PLCXD1: variants seen among roughly 807,000 people sequenced by gnomAD.
PLCXD1 encodes the protein phosphatidylinositol specific phospholipase C X domain containing 1.
Under a neutral mutation model 37.8 loss-of-function variants are expected in PLCXD1, and 45 were observed. The observed-to-expected ratio is 1.19, with a 90% CI of 0.94 to 1.53. The LOEUF (loss-of-function observed/expected upper bound fraction) is 1.53. Ranked by LOEUF, PLCXD1 falls within the 40% of genes most tolerant of loss-of-function variation. The pLI, the probability that PLCXD1 is intolerant of heterozygous loss-of-function variation, is 0.00. For synonymous variants in PLCXD1, 246 were observed against 206.9 expected (o/e 1.19, Z -1.62); for missense variants, 539 against 454.7 (o/e 1.19, Z -1.69).
At chrX:282,755 G>A (rs2069309280) in intron 1 of PLCXD1, among the ~76,000 whole-genome samples, 1 of 148,968 alleles carries the variant, frequency 6.7e-6, no homozygotes, top group Non-Finnish European at 1.5e-5. Flanking sequence ...TTCAGAGGCA[G>A]AGAAAGAATT....
In PLCXD1 at chrX:299,476, G is replaced by A. The variant is rs1413678449; in HGVS notation, c.*141G>A. ...TTCATTTTCTTTAAAATAGAGATGGGGTGGCTGGGCGTGGTGACTTCGCCT... is the reference window on the plus strand; with the variant it reads ...TTCATTTTCTTTAAAATAGAGATGGAGTGGCTGGGCGTGGTGACTTCGCCT... On this transcript the variant is annotated 3_prime_UTR_variant, in exon 7 of 7. Coordinates refer to ENST00000381657, the MANE Select transcript of PLCXD1 (RefSeq NM_018390.4). 1 of 718,358 alleles carries A rather than the reference G, an allele frequency of 1.4e-6. No homozygotes were observed. Among genetic ancestry groups the A allele is most frequent in the Non-Finnish European group, 2.4e-6 (1 of 416,400 alleles). The allele number at this position is 718,358 out of a possible 1,614,324, so 44.5% of individuals were successfully genotyped here. A position where few individuals can be genotyped will look rare whatever the true frequency, so the allele number is the denominator to read the frequency against.
chrX:292,156 T>G (rs2124371936), intron 5 of PLCXD1, among the ~76,000 whole-genome samples: 1 of 144,206 alleles, frequency 6.9e-6, no homozygotes, highest in Admixed American at 7.1e-5. Context: ...CAAAATTATC[T>G]GGGTGTGGCG....
At chrX:293,478 G>A (rs866218300) in intron 6 of PLCXD1, among the ~76,000 whole-genome samples, 14 of 151,984 alleles carry the variant, frequency 9.2e-5, no homozygotes, top group African/African-American at 2.2e-4. Flanking sequence ...AAAACTTAGC[G>A]GCCGGGCGCA....
chrX:290,107 A>C (rs1406352414), intron 3 of PLCXD1, among the ~76,000 whole-genome samples: 1 of 151,914 alleles, frequency 6.6e-6, no homozygotes, highest in Non-Finnish European at 1.5e-5. Context: ...ACAGGTGTAC[A>C]CCACCACACC....
chrX:288,675 CA>C, intron 2 of PLCXD1, 57 bp from the exon 3 acceptor site: 1 of 1,594,664 alleles, frequency 6.3e-7, no homozygotes, highest in South Asian at 1.1e-5. Context: ...GAGCGACTCA[CA>C]GCAGGTGGCG....
At chrX:289,822 T>G (rs2124356927) in intron 3 of PLCXD1, among the ~76,000 whole-genome samples, 1 of 152,130 alleles carries the variant, frequency 6.6e-6, no homozygotes, top group Non-Finnish European at 1.5e-5. Flanking sequence ...AGACAACCCC[T>G]TTCATGCCTG....
In PLCXD1 at chrX:288,771, T is replaced by TC. The variant is rs764264430; in HGVS notation, c.171dup (p.Ile58HisfsTer146). 2 of 1,613,634 alleles carry TC rather than the reference T, an allele frequency of 1.2e-6. No homozygotes were observed. The highest frequency in any genetic ancestry group is 1.7e-6 in the Non-Finnish European group (2 of 1,179,676). ...GATGACGTACTGCCTGAACAAGAAG[T>TC]CCCCCATTTCGCACGAGGAGTCCCG... On this transcript the variant is annotated frameshift_variant, in exon 3 of 7. Transcript: ENST00000381657. LOFTEE classifies it high-confidence loss of function.
Position 290,787 on chromosome X carries a change from G to T in PLCXD1, c.393+11G>T. On this transcript the variant is annotated intron_variant, in intron 4 of 6. Transcript: ENST00000381657. ...ACGGCGCTGGTGGAGGTGCGGCCGG[G>T]CTGAGGTGGGACGCAATGGGGAGAG... 6.2e-7 allele frequency: 1 copy of T among 1,608,372 alleles called. No homozygotes were observed. Among genetic ancestry groups the T allele is most frequent in the Non-Finnish European group, 8.5e-7 (1 of 1,178,582 alleles).
chrX:299,683 G>C lies in PLCXD1; in HGVS notation c.*348G>C. The C allele has an allele frequency of 2.5e-6, 1 of 402,482 alleles. No homozygotes were observed. The highest frequency in any genetic ancestry group is 4.1e-5 in the Admixed American group (1 of 24,222). The allele number at this position is 402,482 out of a possible 1,614,324, so 24.9% of individuals were successfully genotyped here. ...CAGGCAGGAGAACTGCTTGAAGCCG[G>C]GAGATGGAGGTTGCATTGAGCTGAC... On this transcript the variant is annotated 3_prime_UTR_variant, in exon 7 of 7. Coordinates refer to ENST00000381657, the MANE Select transcript of PLCXD1 (RefSeq NM_018390.4).
chrX:293,244 A>G, intron 6 of PLCXD1, 26 bp downstream of exon 6: 1 of 1,586,798 alleles, frequency 6.3e-7, no homozygotes, highest in Non-Finnish European at 8.6e-7. Context: ...TCGTGGGGGT[A>G]GATTCCACAC....
At chrX:296,385 C>T (rs2069809136) in intron 6 of PLCXD1, among the ~76,000 whole-genome samples, 2 of 150,948 alleles carry the variant, frequency 1.3e-5, no homozygotes, top group African/African-American at 2.4e-5. Flanking sequence ...AACCTCTCAA[C>T]GTGCTGGGAT....
intron 2 of PLCXD1, among the ~76,000 whole-genome samples, chrX:286,183 G>A (rs1392263058): frequency 1.3e-5 from 2 of 151,904 alleles, no homozygotes. Flanking sequence ...TCCTGCCTCA[G>A]CCTCCCGAGT....
chrX:285,952 G>A (rs779703259), intron 2 of PLCXD1, among the ~76,000 whole-genome samples: 2 of 152,262 alleles, frequency 1.3e-5, no homozygotes, highest in Non-Finnish European at 2.9e-5. Flanking sequence ...GGGTGATGAT[G>A]AAAGCTGTTT....
At chrX:285,126 GCACACACATACATGCATGCA>G (rs1240005999) in intron 2 of PLCXD1, among the ~76,000 whole-genome samples, 2 of 60,112 alleles carry the variant, frequency 3.3e-5, no homozygotes, top group African/African-American at 2.1e-4. Flanking sequence ...ACATGCATGC[GCACACACATACATGCATGCA>G]CACATGCACA....
rs149046110 is a variant in PLCXD1 at position 291,597 on chromosome X, C to T, written c.492C>T (p.His164=). 135 of 1,613,010 alleles carry T rather than the reference C, an allele frequency of 8.4e-5. No individual in the cohort carries two copies. The African/African-American group carries it at 1.5e-3, about 18-fold the overall frequency. ...RNFEGLSEDL[H]EYLVACIKNI... is the part of the protein sequence containing the mutation. ...TCGAGGGGCTGAGCGAGGACCTGCA[C>T]GAGTACCTGGTCGCCTGTATCAAGA... The change falls in exon 5 of 7, where the codon CAC becomes CAT. Residue 164 remains histidine (H), a synonymous_variant. Transcript: ENST00000381657.
At chrX:289,779 G>C (rs971910178) in intron 3 of PLCXD1, among the ~76,000 whole-genome samples, 7 of 151,786 alleles carry the variant, frequency 4.6e-5, no homozygotes, top group Non-Finnish European at 1.0e-4. Context: ...CCAAAGTGCT[G>C]GGATTACAGG....
At chrX:293,874 A>C (rs1380515323) in intron 6 of PLCXD1, among the ~76,000 whole-genome samples, 1 of 152,124 alleles carries the variant, frequency 6.6e-6, no homozygotes, top group Non-Finnish European at 1.5e-5. Flanking sequence ...TGCGGAGGGG[A>C]AATGAGGACT....
In PLCXD1 at chrX:293,312, C is replaced by T. The variant is rs28420988; in HGVS notation, c.733+94C>T. ...CCACATGGACTTGCCTTCACTTTTACGTGAAAACAATTTAAAAGGAATCCA... is the reference window on the plus strand; with the variant it reads ...CCACATGGACTTGCCTTCACTTTTATGTGAAAACAATTTAAAAGGAATCCA... On this transcript the variant is annotated intron_variant, in intron 6 of 6. Transcript: ENST00000381657. The T allele has an allele frequency of 2.5e-3, 2,335 of 932,674 alleles. 6 individuals carry two copies. Among genetic ancestry groups the T allele is most frequent in the Non-Finnish European group, 3.3e-3 (1,981 of 600,620 alleles). 57.8% of individuals were successfully genotyped at this position (932,674 alleles called of 1,614,324 possible). A position where few individuals can be genotyped will look rare whatever the true frequency, so the allele number is the denominator to read the frequency against.
rs754331170 is a variant in PLCXD1, at chrX:293,120, A to T, written c.635A>T (p.His212Leu). ...YEDESSLRRH[H>L]ELWPGVPYWW... ...GACGAGAGCTCCTTGCGCCGGCACC[A>T]CGAGCTGTGGCCAGGAGTCCCCTAC... The change falls in exon 6 of 7, where the codon CAC (histidine) becomes CTC (leucine). Residue 212 changes from histidine to leucine, a missense_variant. Physicochemically the swap from His to Leu is moderately conservative, Grantham distance 99. Transcript: ENST00000381657. 6.2e-7 allele frequency: 1 copy of T among 1,612,490 alleles called. No individual in the cohort carries two copies. Among genetic ancestry groups the T allele is most frequent in the South Asian group, 1.1e-5 (1 of 90,994 alleles).
Sources: gnomAD v4.1 joint callset for allele counts (sites outside exome capture counted in the v4.1 genomes callset) on GRCh38, gnomAD v4.1.1 for gene constraint, MANE v1.5 for transcripts, NCBI Gene and HGNC (gene_info 2026-07-23, HGNC 2026-07-21) for gene names.